The following KDM5A variants were observed in gnomAD, a reference collection of about 807,000 sequenced individuals.
The protein encoded by KDM5A is lysine demethylase 5A, also known as lysine-specific demethylase 5A.
A neutral mutation model predicts 193.5 loss-of-function variants in KDM5A; 42 were observed. That is an observed-to-expected ratio of 0.22 (90% confidence interval 0.17 to 0.28). The LOEUF is 0.28. Ranked by LOEUF, KDM5A falls within the 10% of genes least tolerant of loss-of-function variation. The pLI, the probability that KDM5A is intolerant of heterozygous loss-of-function variation, is 1.00. For synonymous variants in KDM5A, 796 were observed against 718.1 expected (o/e 1.11, Z -1.73); for missense variants, 1,692 against 2,055.1 (o/e 0.82, Z 3.42).
At chr12:387,012 A>T (rs970358034) in intron 1 of KDM5A, among the ~76,000 whole-genome samples, 1 of 152,208 alleles carries the variant, frequency 6.6e-6, no homozygotes, top group Non-Finnish European at 1.5e-5. Context: ...TGTTATGTGT[A>T]ATGTGACAGA....
chr12:388,796 G>A (rs781335375), intron 1 of KDM5A, 131 bp downstream of exon 1: 40 of 1,185,704 alleles, frequency 3.4e-5, no homozygotes, highest in African/African-American at 4.5e-5. Context: ...AAAACATCCA[G>A]AAACAGGCTC....
intron 4 of KDM5A, 75 bp from the exon 5 acceptor site, chr12:363,172 T>TA: frequency 1.3e-6 from 2 of 1,555,064 alleles, no homozygotes; most frequent in East Asian, 4.5e-5. Context: ...GTAAAAGTAA[T>TA]AAATTGCCAA....
chr12:333,839 T>A (rs1181043260), intron 11 of KDM5A, among the ~76,000 whole-genome samples, 190 bp from the exon 12 acceptor site: 1 of 152,182 alleles, frequency 6.6e-6, no homozygotes, highest in Admixed American at 6.5e-5. Context: ...TAGTAGTATG[T>A]ATAGGCAGAT....
At chr12:383,812 G>T (rs1045354734) in intron 3 of KDM5A, among the ~76,000 whole-genome samples, 1 of 150,968 alleles carries the variant, frequency 6.6e-6, no homozygotes, top group Non-Finnish European at 1.5e-5. Context: ...ACAATGGCGC[G>T]ATCTCAGCTC....
In KDM5A at chr12:284,517, G is replaced by T. The variant is rs982710588; in HGVS notation, c.*939C>A. 7 of 232,566 alleles carry T rather than the reference G, an allele frequency of 3.0e-5. No homozygotes were observed. Among genetic ancestry groups the T allele is most frequent in the Non-Finnish European group, 6.0e-5 (7 of 117,470 alleles). The allele number at this position is 232,566 out of a possible 1,614,324, so 14.4% of individuals were successfully genotyped here. On this transcript the variant is annotated 3_prime_UTR_variant, in exon 28 of 28. Coordinates refer to ENST00000399788, the MANE Select transcript of KDM5A (RefSeq NM_001042603.3). ...CAAAAAGCTGTTATTTGCTGGTCTT[G>T]CTCATGGCCATGCCTGAAGCCTGGT... is the stretch of plus-strand genomic sequence containing the variant.
In KDM5A at chr12:285,541, C is replaced by T. The variant is rs920436634; in HGVS notation, c.4988G>A (p.Gly1663Glu). The T allele has an allele frequency of 1.2e-6, 2 of 1,614,014 alleles. No homozygotes were observed. Among genetic ancestry groups the T allele is most frequent in the Admixed American group, 3.3e-5 (2 of 59,996 alleles). ...TGGTGCTGGACCTGGGCTAACTGGCCCCTGCTTCTTTGCACAGTTTATACA... is the reference window on the plus strand; with the variant it reads ...TGGTGCTGGACCTGGGCTAACTGGCTCCTGCTTCTTTGCACAGTTTATACA... ...YICINCAKKQ[G>E]PVSPGPAPPP... is the part of the protein sequence containing the mutation. Residue 1663 changes from glycine (G) to glutamate (E), a missense_variant, in exon 28 of 28, where the codon GGG (glycine) becomes GAG (glutamate). Around this residue, in one of 11 missense-constraint regions of KDM5A, gnomAD observed 41 missense variants for 36.3 expected, o/e 1.13. Coordinates refer to ENST00000399788, the MANE Select transcript of KDM5A (RefSeq NM_001042603.3).
intron 27 of KDM5A, among the ~76,000 whole-genome samples, chr12:291,509 T>A (rs1205526640): frequency 6.6e-6 from 1 of 152,198 alleles, no homozygotes; most frequent in African/African-American, 2.4e-5. Flanking sequence ...TGAGTCCTGG[T>A]TGCATCATCT....
chr12:339,414 C>A (rs1565538801), intron 10 of KDM5A, among the ~76,000 whole-genome samples: 1 of 152,122 alleles, frequency 6.6e-6, no homozygotes, highest in African/African-American at 2.4e-5. Context: ...AATGGGTTCT[C>A]TCCTATCATC....
intron 3 of KDM5A, among the ~76,000 whole-genome samples, chr12:381,014 G>A (rs1372553236): frequency 1.3e-5 from 2 of 151,078 alleles, no homozygotes; most frequent in East Asian, 1.9e-4. Context: ...TTTTTTAGAC[G>A]GAGTTGTGCC....
At position 320,977 on chromosome 12, in the gene KDM5A, A is replaced by C. The variant is rs368401326; in HGVS notation, c.2541+18T>G. Reference sequence around the variant, plus strand: ...TGTCACAAAGGACATTACCCAAAAAAAGGATGTAATACTCCACCTTTACTT... The same window carrying C: ...TGTCACAAAGGACATTACCCAAAAACAGGATGTAATACTCCACCTTTACTT... On this transcript the variant is annotated intron_variant, in intron 18 of 27. Coordinates refer to ENST00000399788, the MANE Select transcript of KDM5A (RefSeq NM_001042603.3). The C allele has an allele frequency of 1.9e-6, 3 of 1,542,802 alleles. No individual in the cohort carries two copies. The highest frequency in any genetic ancestry group is 2.7e-6 in the Non-Finnish European group (3 of 1,115,044).
chr12:285,431 A>T lies in KDM5A; in HGVS notation c.*25T>A, dbSNP rs758168941. ...GTCTCAATGTGGTCCATGTCCCCCC[A>T]TGTCCCAAACTAACCAAGCATCTGC... is the stretch of plus-strand genomic sequence containing the variant. On this transcript the variant is annotated 3_prime_UTR_variant, in exon 28 of 28. Transcript: ENST00000399788. 5.0e-6 allele frequency: 8 copies of T among 1,598,968 alleles called. No homozygotes were observed. The South Asian group carries it at 8.8e-5, about 18-fold the overall frequency.
chr12:366,132 G>C, intron 3 of KDM5A, 28 bp from the exon 4 acceptor site: 1 of 1,604,712 alleles, frequency 6.2e-7, no homozygotes, highest in South Asian at 1.1e-5. Context: ...GTTGCTTAGA[G>C]AAAAAAGGCA....
At chr12:358,880 G>A (rs903569778) in intron 5 of KDM5A, among the ~76,000 whole-genome samples, 18 of 152,102 alleles carry the variant, frequency 1.2e-4, no homozygotes, top group African/African-American at 3.9e-4. Flanking sequence ...GCTGAGGCAG[G>A]GAACTGCTTG....
intron 24 of KDM5A, among the ~76,000 whole-genome samples, chr12:306,304 T>C (rs934637382): frequency 6.6e-6 from 1 of 152,252 alleles, no homozygotes; most frequent in Non-Finnish European, 1.5e-5. Context: ...CTTAACTGTA[T>C]ACAGACTTTC....
chr12:351,141 T>A (rs566565958), intron 9 of KDM5A, among the ~76,000 whole-genome samples: 1 of 152,188 alleles, frequency 6.6e-6, no homozygotes, highest in South Asian at 2.1e-4. Flanking sequence ...AAAATTTCAT[T>A]TTCTTTTTGT....
rs1371473885 is a variant in KDM5A at position 285,010 on chromosome 12, TC to T, written c.*445del. 1.8e-5 allele frequency: 5 copies of T among 271,424 alleles called. No individual in the cohort carries two copies. The highest frequency in any genetic ancestry group is 1.1e-4 in the African/African-American group (5 of 46,650). 16.8% of individuals were successfully genotyped at this position (271,424 alleles called of 1,614,324 possible). A position where few individuals can be genotyped will look rare whatever the true frequency, so the allele number is the denominator to read the frequency against. On this transcript the variant is annotated 3_prime_UTR_variant, in exon 28 of 28. Transcript: ENST00000399788. ...GGTAACAGTGGAAGGAAAGTGGTACTCCAATCCCTCTCCAACTATCCCAATG... is the reference window on the plus strand; with the variant it reads ...GGTAACAGTGGAAGGAAAGTGGTACTCAATCCCTCTCCAACTATCCCAATG...
chr12:375,645 G>A (rs1944493656), intron 3 of KDM5A, among the ~76,000 whole-genome samples: 1 of 152,158 alleles, frequency 6.6e-6, no homozygotes, highest in African/African-American at 2.4e-5. Flanking sequence ...GCGGGGGAGA[G>A]GTGCTCTGCT....
chr12:373,881 T>C (rs1056867789), intron 3 of KDM5A, among the ~76,000 whole-genome samples: 2 of 152,194 alleles, frequency 1.3e-5, no homozygotes, highest in African/African-American at 2.4e-5. Context: ...TCCATGTAGT[T>C]GAGTGGTTTT....
Position 293,098 on chromosome 12 carries a change from CTTCCGT to C in KDM5A, c.4521_4526del (p.Arg1508_Lys1509del), listed in dbSNP as rs2137365683. On this transcript the variant is annotated inframe_deletion, in exon 27 of 28. Transcript: ENST00000399788. ...CAAAAAGTTGCTCTACCTTTTCTAG[CTTCCGT>C]TTCCGTTTCTTCTCTGAAGAGTCCT... 6.3e-7 allele frequency: 1 copy of C among 1,595,484 alleles called. No homozygotes were observed. Among genetic ancestry groups the C allele is most frequent in the South Asian group, 1.2e-5 (1 of 86,682 alleles).
Sources: gnomAD v4.1 joint callset for allele counts (sites outside exome capture counted in the v4.1 genomes callset) on GRCh38, gnomAD v4.1.1 for gene constraint, gnomAD v4.1.1 regional missense constraint, MANE v1.5 for transcripts, NCBI Gene and HGNC (gene_info 2026-07-23, HGNC 2026-07-21) for gene names.